AIMP2: variants seen among roughly 807,000 people sequenced by gnomAD.
The protein encoded by AIMP2 is aminoacyl tRNA synthetase complex interacting multifunctional protein 2, also known as aminoacyl tRNA synthase complex-interacting multifunctional protein 2.
AIMP2 carries 20 observed loss-of-function variants against 23.4 expected under a neutral mutation model. The ratio of observed to expected loss-of-function variants is 0.85; its 90% CI spans 0.60 to 1.24. The LOEUF is 1.24. AIMP2 is among the 50% of genes most tolerant of loss of function. AIMP2 has a pLI of 0.00. For synonymous variants in AIMP2, 210 were observed against 170.4 expected, an observed-to-expected ratio of 1.23 and a Z score of -1.81; for missense variants, 515 against 414.5, an observed-to-expected ratio of 1.24 and a Z score of -2.10.
At chr7:6,017,055 A>G (rs1392827026) in intron 2 of AIMP2, 1 of 152,396 alleles carries the variant, frequency 6.6e-6, no homozygotes, top group African/African-American at 2.4e-5. Context: ...GTTAACGCCT[A>G]GTATTTTAGC....
rs200028351 is a variant in AIMP2, at chr7:6,017,833, A to G, written c.362A>G (p.Asp121Gly). 1.2e-6 allele frequency: 2 copies of G among 1,613,824 alleles called. No homozygotes were observed. The highest frequency in any genetic ancestry group is 1.1e-5 in the South Asian group (1 of 91,038). ...CCCCAGGATTACGGGGCGCTGAAAG[A>G]CATCGTGATCAACGCAAACCCGGCC... ...VLGKDYGALKDIVINANPASP... is the reference protein window; with the variant it reads ...VLGKDYGALKGIVINANPASP... The change falls in exon 3 of 4, where the codon GAC becomes GGC. Residue 121 changes from aspartate to glycine, a missense_variant. Asp to Gly is a moderately conservative substitution (Grantham distance 94, BLOSUM62 -1). Coordinates refer to ENST00000223029, the MANE Select transcript of AIMP2 (RefSeq NM_006303.4).
chr7:6,013,647 T>G (rs1245177123), intron 1 of AIMP2, among the ~76,000 whole-genome samples: 2 of 152,110 alleles, frequency 1.3e-5, no homozygotes, highest in Non-Finnish European at 2.9e-5. Flanking sequence ...TGGAATAGGC[T>G]AGGTGAAGAA....
intron 2 of AIMP2, among the ~76,000 whole-genome samples, chr7:6,015,663 G>T (rs1786984837): frequency 6.6e-6 from 1 of 152,158 alleles, no homozygotes; most frequent in African/African-American, 2.4e-5. Flanking sequence ...AGCAGAGCTT[G>T]TGGTGAGCGG....
chr7:6,009,805 G>A (rs1470202804), intron 1 of AIMP2, among the ~76,000 whole-genome samples: 8 of 150,194 alleles, frequency 5.3e-5, no homozygotes, highest in African/African-American at 2.4e-5. Context: ...ACAGAAATTG[G>A]CCGGGTGTGG....
intron 2 of AIMP2, among the ~76,000 whole-genome samples, chr7:6,016,544 G>A (rs1583455031): frequency 1.3e-5 from 2 of 152,276 alleles, no homozygotes; most frequent in South Asian, 4.1e-4. Flanking sequence ...GGCCCTCAGG[G>A]AGCCGGAGCC....
rs1417231471 is a variant in AIMP2 at position 6,009,515 on chromosome 7, C to G, written c.135+17C>G. 7.5e-6 allele frequency: 11 copies of G among 1,471,300 alleles called. No individual in the cohort carries two copies. In the South Asian group the frequency reaches 9.9e-5, roughly 13 times the overall value. 91.1% of individuals were successfully genotyped at this position (1,471,300 alleles called of 1,614,324 possible). On this transcript the variant is annotated intron_variant, in intron 1 of 3. Coordinates refer to ENST00000223029, the MANE Select transcript of AIMP2 (RefSeq NM_006303.4). ...CACGTGCAGGTAGGAGCGCGGGGCC[C>G]CCCGCCCAGTGCGCACGCGCGGCGA...
chr7:6,011,786 A>G (rs1355559782), intron 1 of AIMP2, among the ~76,000 whole-genome samples: 1 of 152,230 alleles, frequency 6.6e-6, no homozygotes, highest in Non-Finnish European at 1.5e-5. Context: ...AAGACAATCC[A>G]GGTTGGAGAA....
intron 1 of AIMP2, among the ~76,000 whole-genome samples, chr7:6,014,457 C>T (rs1786890623): frequency 6.6e-6 from 1 of 151,620 alleles, no homozygotes; most frequent in African/African-American, 2.4e-5. Flanking sequence ...AGGGTTTCAC[C>T]ATGTTGGCCA....
chr7:6,020,178 T>C (rs915100249), intron 3 of AIMP2, among the ~76,000 whole-genome samples: 15 of 152,102 alleles, frequency 9.9e-5, no homozygotes, highest in African/African-American at 3.4e-4. Flanking sequence ...CCCAGCACTT[T>C]GGGAGGCTGA....
intron 1 of AIMP2, among the ~76,000 whole-genome samples, chr7:6,010,180 T>TAATA: frequency 6.6e-6 from 1 of 151,312 alleles, no homozygotes; most frequent in African/African-American, 2.4e-5. Flanking sequence ...TTTCTTTTTT[T>TAATA]AATATATGGT....
intron 2 of AIMP2, 94 bp downstream of exon 2, chr7:6,015,446 C>G (rs749211522): frequency 1.4e-6 from 2 of 1,397,812 alleles, no homozygotes; most frequent in Non-Finnish European, 2.0e-6. Flanking sequence ...GCTTTCAGGC[C>G]GGGCGTGGTG....
chr7:6,017,367 A>G (rs540795226), intron 2 of AIMP2, among the ~76,000 whole-genome samples: 2 of 152,066 alleles, frequency 1.3e-5, no homozygotes, highest in South Asian at 4.2e-4. Flanking sequence ...AATTAAAAAA[A>G]AAAAAATTAG....
Position 6,017,481 on chromosome 7 carries a change from C to A in AIMP2, c.343-333C>A, listed in dbSNP as rs376821202. ...AGAGGTTGCAGTGAGCAGAGATCAT[C>A]CACTGTACTCCAGCCTGTGTGACAG... On this transcript the variant is annotated intron_variant, in intron 2 of 3. Transcript: ENST00000223029. 2.0e-5 allele frequency among the ~76,000 whole-genome samples: 3 copies of A among 150,826 alleles called. No homozygotes were observed. In the East Asian group the frequency reaches 5.8e-4, roughly 29 times the overall value.
chr7:6,022,366 T>G (rs1787487757), intron 3 of AIMP2: 1 of 152,194 alleles, frequency 6.6e-6, no homozygotes, highest in Non-Finnish European at 1.5e-5. Context: ...AGGCTATTAG[T>G]GCTTAAGTTT....
chr7:6,015,447 G>A (rs533482843), intron 2 of AIMP2, 95 bp downstream of exon 2: 19 of 1,371,466 alleles, frequency 1.4e-5, no homozygotes, highest in Admixed American at 9.6e-5. Context: ...CTTTCAGGCC[G>A]GGCGTGGTGG....
At chr7:6,012,873 C>A in intron 1 of AIMP2, 1 of 992,290 alleles carries the variant, frequency 1.0e-6, no homozygotes, top group Non-Finnish European at 1.2e-6. Context: ...ATTTAATTGG[C>A]ATACTGAACT....
Position 6,009,481 on chromosome 7 carries a change from G to T in AIMP2, c.118G>T (p.Gly40Cys). ...CGGCAGGAGCTACGGCCCAGCGCCG[G>T]GCGCTGGCCACGTGCAGGTAGGAGC... ...VHGRSYGPAP[G>C]AGHVQEESNL... The change falls in exon 1 of 4, where the codon GGC becomes TGC. Residue 40 changes from glycine to cysteine, a missense_variant. By Grantham distance (159) the Gly-to-Cys change is radical (BLOSUM62 -3). Coordinates refer to ENST00000223029, the MANE Select transcript of AIMP2 (RefSeq NM_006303.4). The T allele has an allele frequency of 6.3e-7, 1 of 1,576,718 alleles. No homozygotes were observed. Among genetic ancestry groups the T allele is most frequent in the African/African-American group, 1.4e-5 (1 of 72,394 alleles).
At position 6,017,889 on chromosome 7, in the gene AIMP2, A is replaced by C; in HGVS notation, c.418A>C (p.Arg140=). 6.2e-7 allele frequency: 1 copy of C among 1,614,102 alleles called. No individual in the cohort carries two copies. Among genetic ancestry groups the C allele is most frequent in the Non-Finnish European group, 8.5e-7 (1 of 1,180,026 alleles). The stretch of plus-strand genomic sequence containing the variant: ...TCCCCTCTCCCTGCTTGTGCTGCAC[A>C]GGCTGCTCTGTGAGCACTTCAGGGT... The part of the protein sequence containing the change: ...SPPLSLLVLH[R]LLCEHFRVLS... The change falls in exon 3 of 4, where the codon AGG becomes CGG. Residue 140 remains arginine (R), a synonymous_variant. Transcript: ENST00000223029.
At chr7:6,013,550 C>T (rs1020299452) in intron 1 of AIMP2, among the ~76,000 whole-genome samples, 7 of 152,084 alleles carry the variant, frequency 4.6e-5, no homozygotes, top group African/African-American at 7.2e-5. Context: ...CATCAGTCAG[C>T]GCGCCCAGCC....
Sources: allele counts gnomAD v4.1 joint callset (sites outside exome capture counted in the v4.1 genomes callset), GRCh38; gene constraint gnomAD v4.1.1; transcripts MANE v1.5; gene names NCBI Gene and HGNC (gene_info 2026-07-23, HGNC 2026-07-21).